RUNX1T1: variants seen among roughly 807,000 people sequenced by gnomAD.
RUNX1T1 encodes RUNX1 partner transcriptional co-repressor 1.
A neutral mutation model predicts 62.8 loss-of-function variants in RUNX1T1; 4 were observed. The ratio of observed to expected loss-of-function variants is 0.06; its 90% confidence interval spans 0.03 to 0.15. The LOEUF is 0.15. Among genes scored for constraint, RUNX1T1 ranks in the 10% least tolerant of loss-of-function variants. The pLI, the probability that RUNX1T1 is intolerant of heterozygous loss-of-function variation, is 1.00. For missense variants in RUNX1T1, 508 were observed against 754.3 expected, an observed-to-expected ratio of 0.67 and a Z score of 3.82; for synonymous variants, 291 against 286.0, an observed-to-expected ratio of 1.02 and a Z score of -0.18.
At chr8:92,070,006 G>A (rs1177539765) in intron 2 of RUNX1T1, among the ~76,000 whole-genome samples, 3 of 152,020 alleles carry the variant, frequency 2.0e-5, no homozygotes, top group African/African-American at 7.2e-5. Flanking sequence ...CACTGCCTCC[G>A]ATTCTCTTCT....
At chr8:92,101,169 A>G (rs568262837), upstream of RUNX1T1, among the ~76,000 whole-genome samples, 94 of 151,382 alleles carry the variant, frequency 6.2e-4, no homozygotes, top group African/African-American at 2.2e-3. Flanking sequence ...TAGGAGAGGG[A>G]AAAAAATCCC....
chr8:91,982,854 A>G (rs755072642), intron 8 of RUNX1T1, among the ~76,000 whole-genome samples: 4 of 151,836 alleles, frequency 2.6e-5, no homozygotes, highest in Admixed American at 6.6e-5. Flanking sequence ...GTGTATACTC[A>G]GTGTTAAAAA....
At chr8:92,055,611 C>T (rs1301601056) in intron 1 of RUNX1T1, among the ~76,000 whole-genome samples, 1 of 152,202 alleles carries the variant, frequency 6.6e-6, no homozygotes, top group East Asian at 1.9e-4. Context: ...CTGGCTTCCA[C>T]TTTATGTTTA....
intron 1 of RUNX1T1, among the ~76,000 whole-genome samples, chr8:92,097,405 C>G (rs1205938296): frequency 6.6e-6 from 1 of 152,120 alleles, no homozygotes; most frequent in Admixed American, 6.5e-5. Flanking sequence ...CACCTTTCAC[C>G]TTTTCTCTAG....
At chr8:92,059,705 T>TA in intron 1 of RUNX1T1, among the ~76,000 whole-genome samples, 1 of 152,334 alleles carries the variant, frequency 6.6e-6, no homozygotes, top group East Asian at 1.9e-4. Context: ...GGCCATGTGT[T>TA]AAAAATTACA....
chr8:92,039,151 T>G (rs1827968850), intron 1 of RUNX1T1, among the ~76,000 whole-genome samples: 1 of 151,550 alleles, frequency 6.6e-6, no homozygotes, highest in African/African-American at 2.4e-5. Flanking sequence ...GTTGTTTTTT[T>G]TTTTTTTTTG....
intron 5 of RUNX1T1, among the ~76,000 whole-genome samples, chr8:92,001,218 A>AT (rs1324078090): frequency 1.3e-5 from 2 of 152,108 alleles, no homozygotes; most frequent in African/African-American, 2.4e-5. Flanking sequence ...AATATGTGTG[A>AT]TTTTTTTGTT....
intron 1 of RUNX1T1, among the ~76,000 whole-genome samples, chr8:92,029,320 G>A (rs544747375): frequency 9.2e-5 from 14 of 152,264 alleles, no homozygotes; most frequent in African/African-American, 3.1e-4. Context: ...GGATAAAAGT[G>A]GCAACAGGGC....
chr8:92,021,325 G>A (rs1321446957), intron 1 of RUNX1T1, among the ~76,000 whole-genome samples: 1 of 152,108 alleles, frequency 6.6e-6, no homozygotes, highest in African/African-American at 2.4e-5. Flanking sequence ...TGAAAATGAT[G>A]CTATGTAGTG....
downstream of RUNX1T1, chr8:91,955,108 T>G (rs779006688): frequency 2.8e-5 from 6 of 213,018 alleles, no homozygotes; most frequent in Non-Finnish European, 5.7e-5. Context: ...GACACATACT[T>G]TTATAATGTT....
At chr8:92,059,586 A>T (rs1416048368) in intron 1 of RUNX1T1, among the ~76,000 whole-genome samples, 1 of 152,218 alleles carries the variant, frequency 6.6e-6, no homozygotes, top group African/African-American at 2.4e-5. Flanking sequence ...TACTAAATGG[A>T]AAATGCAGAT....
chr8:92,047,279 C>A (rs1229995071), intron 1 of RUNX1T1, among the ~76,000 whole-genome samples: 1 of 152,124 alleles, frequency 6.6e-6, no homozygotes, highest in African/African-American at 2.4e-5. Context: ...TATATCTCTA[C>A]ATGGCCGCTT....
At chr8:91,959,020 AG>A (rs1430278072) in exon 11 of RUNX1T1, 2 of 211,360 alleles carry the variant, frequency 9.5e-6, no homozygotes, top group Non-Finnish European at 1.9e-5. Flanking sequence ...CAGCATAGAA[AG>A]ATACAGGTTT....
At chr8:92,062,557 G>A in exon 1 of RUNX1T1, 1 of 1,614,054 alleles carries the variant, frequency 6.2e-7, no homozygotes, top group Non-Finnish European at 8.5e-7. Context: ...AGGCATCCTT[G>A]AATCCAGCGT....
chr8:92,036,395 G>A (rs2131359581), intron 1 of RUNX1T1, among the ~76,000 whole-genome samples: 1 of 152,222 alleles, frequency 6.6e-6, no homozygotes, highest in African/African-American at 2.4e-5. Context: ...ACTCAAGTTA[G>A]GATATATCCA....
exon 11 of RUNX1T1, chr8:91,959,435 T>C (rs1279197733): frequency 8.6e-6 from 1 of 116,682 alleles, no homozygotes; most frequent in East Asian, 1.1e-4. Context: ...TGTGTGTGTG[T>C]GTGTGTGTGT....
intron 1 of RUNX1T1, among the ~76,000 whole-genome samples, chr8:92,041,219 T>C (rs1048738341): frequency 6.9e-6 from 1 of 145,456 alleles, no homozygotes; most frequent in Non-Finnish European, 1.5e-5. Flanking sequence ...ATGAACAGCA[T>C]GCAAAGCCAA....
chr8:92,063,214 A>G (rs1832354216), upstream of RUNX1T1, among the ~76,000 whole-genome samples: 1 of 152,182 alleles, frequency 6.6e-6, no homozygotes, highest in Admixed American at 6.5e-5. Context: ...ATCCTGCACA[A>G]AGTATCAGAA....
intron 10 of RUNX1T1, among the ~76,000 whole-genome samples, chr8:91,967,582 T>C (rs1337629164): frequency 6.6e-6 from 1 of 152,070 alleles, no homozygotes; most frequent in Admixed American, 6.6e-5. Context: ...AAAACTGAGA[T>C]AGGAAGAGAA....
Sources: allele counts gnomAD v4.1 joint callset (sites outside exome capture counted in the v4.1 genomes callset), GRCh38; gene constraint gnomAD v4.1.1; transcripts MANE v1.5; gene names NCBI Gene and HGNC (gene_info 2026-07-23, HGNC 2026-07-21).